Variants in TRIM21 observed in about 807,000 individuals in gnomAD.
TRIM21 encodes tripartite motif containing 21, also known as E3 ubiquitin-protein ligase TRIM21.
TRIM21 carries 35 observed loss-of-function variants against 36.1 expected under a neutral mutation model. That is an observed-to-expected ratio of 0.97 (90% CI 0.74 to 1.28). The LOEUF (loss-of-function observed/expected upper bound fraction) is 1.28. TRIM21 is among the 50% of genes most tolerant of loss of function. TRIM21 has a pLI of 0.00. For missense variants in TRIM21, 635 were observed against 570.7 expected, an observed-to-expected ratio of 1.11 and a Z score of -1.15; for synonymous variants, 256 against 211.5, an observed-to-expected ratio of 1.21 and a Z score of -1.83.
rs761952605 is a variant in TRIM21 at position 4,386,236 on chromosome 11, C to T, written c.780G>A (p.Lys260=). The stretch of plus-strand genomic sequence containing the variant: ...GTTCTGGAGAGGTAATATCCAGGTC[C>T]TTCAGGTTCCAGGACTCACTCCTGG... The part of the protein sequence containing the change: ...VLERSESWNL[K]DLDITSPELR... Residue 260 remains lysine (K), a synonymous_variant, in exon 6 of 7, where the codon AAG becomes AAA. Coordinates refer to ENST00000254436, the MANE Select transcript of TRIM21 (RefSeq NM_003141.4). 1.1e-5 allele frequency: 17 copies of T among 1,613,790 alleles called. No individual in the cohort carries two copies. Among genetic ancestry groups the T allele is most frequent in the Non-Finnish European group, 5.9e-6 (7 of 1,179,862 alleles).
At chr11:4,389,945 C>T (rs1332343252) in intron 2 of TRIM21, 57 bp downstream of exon 2, 2 of 1,587,154 alleles carry the variant, frequency 1.3e-6, no homozygotes, top group Admixed American at 3.4e-5. Context: ...AGAGGTGGTC[C>T]TCTCCCATTC....
chr11:4,386,304 A>G, intron 5 of TRIM21, 47 bp from the exon 6 acceptor site: 1 of 1,462,010 alleles, frequency 6.8e-7, no homozygotes, highest in South Asian at 1.2e-5. Context: ...TCCTATCCCA[A>G]ACCCTAACAC....
In TRIM21 at chr11:4,389,646, A is replaced by AT. The variant is rs550093376; in HGVS notation, c.504+7dup. 1,138 of 1,612,730 alleles carry AT rather than the reference A, an allele frequency of 7.1e-4. 3 individuals are homozygous for AT. Among genetic ancestry groups the AT allele is most frequent in the Middle Eastern group, 2.8e-3 (17 of 6,062 alleles). The stretch of plus-strand genomic sequence containing the variant: ...AGCCTAAGATCTCCTTCAGGATGTC[A>AT]TTCTTACCTTCCAGTCTGCTCTCTT... On this transcript the variant is annotated splice_region_variant and intron_variant, in intron 3 of 6. Coordinates refer to ENST00000254436, the MANE Select transcript of TRIM21 (RefSeq NM_003141.4).
At chr11:4,391,136 C>G (rs1341150404) in intron 1 of TRIM21, among the ~76,000 whole-genome samples, 1 of 152,102 alleles carries the variant, frequency 6.6e-6, no homozygotes, top group African/African-American at 2.4e-5. Context: ...AGTGAAGAGA[C>G]AGCCCACAGA....
intron 2 of TRIM21, 95 bp downstream of exon 2, chr11:4,389,907 C>T: frequency 3.9e-6 from 6 of 1,535,174 alleles, no homozygotes; most frequent in South Asian, 1.2e-5. Flanking sequence ...GAGAGGTAAA[C>T]CCCTCCTTTC....
rs569915357 is a variant in TRIM21, at chr11:4,390,575, AC to A, written c.-49-118del. 31 of 687,514 alleles carry A rather than the reference AC, an allele frequency of 4.5e-5. No individual in the cohort carries two copies. The East Asian group carries it at 7.7e-4, about 17-fold the overall frequency. The allele number at this position is 687,514 out of a possible 1,614,324, so 42.6% of individuals were successfully genotyped here. A position where few individuals can be genotyped will look rare whatever the true frequency, so the allele number is the denominator to read the frequency against. On this transcript the variant is annotated intron_variant, in intron 1 of 6. Coordinates refer to ENST00000254436, the MANE Select transcript of TRIM21 (RefSeq NM_003141.4). Reference sequence around the variant, plus strand: ...ACATTCTTCACAAAAATAGGAAAAAACAATCCTAAAATTTATATGGAATCAC... The same window carrying A: ...ACATTCTTCACAAAAATAGGAAAAAAAATCCTAAAATTTATATGGAATCAC...
At chr11:4,392,729 C>T (rs536288558) in intron 1 of TRIM21, among the ~76,000 whole-genome samples, 21 of 152,260 alleles carry the variant, frequency 1.4e-4, no homozygotes, top group Non-Finnish European at 2.1e-4. Context: ...TCCAGTGAGA[C>T]AGAAGGAGAA....
At position 4,388,287 on chromosome 11, in the gene TRIM21, C is replaced by T; in HGVS notation, c.735+13G>A. 2 of 1,601,054 alleles carry T rather than the reference C, an allele frequency of 1.2e-6. No individual in the cohort carries two copies. Among genetic ancestry groups the T allele is most frequent in the South Asian group, 2.2e-5 (2 of 90,666 alleles). ...TTCCCTGAATTGTAGAAGGAAACCC[C>T]TCCCTGTCTCACCTGCAGCAGTTCC... On this transcript the variant is annotated intron_variant, in intron 4 of 6. Coordinates refer to ENST00000254436, the MANE Select transcript of TRIM21 (RefSeq NM_003141.4).
chr11:4,385,475 T>C lies in TRIM21; in HGVS notation c.1238A>G (p.Tyr413Cys). 3 of 1,612,360 alleles carry C rather than the reference T, an allele frequency of 1.9e-6. No homozygotes were observed. Among genetic ancestry groups the C allele is most frequent in the Non-Finnish European group, 2.5e-6 (3 of 1,179,156 alleles). ...GTAGAAGGAGACCATGCCAGCCTCA[T>C]AGTCCAGGAAAATCCCAACTTGGCA... ...PPCQVGIFLD[Y>C]EAGMVSFYNI... Residue 413 changes from tyrosine to cysteine, a missense_variant, in exon 7 of 7, where the codon TAT becomes TGT. Transcript: ENST00000254436.
chr11:4,386,287 C>T (rs951848142), intron 5 of TRIM21, 30 bp from the exon 6 acceptor site: 1 of 1,556,268 alleles, frequency 6.4e-7, no homozygotes, highest in Non-Finnish European at 8.9e-7. Context: ...AGACTCCTGT[C>T]TCCTACTCCT....
At chr11:4,391,006 T>C (rs960916951) in intron 1 of TRIM21, among the ~76,000 whole-genome samples, 12 of 93,676 alleles carry the variant, frequency 1.3e-4, no homozygotes, top group Non-Finnish European at 1.5e-4. Context: ...CTCTAGGACA[T>C]TGGACTGGGC....
chr11:4,385,418 G>A lies in TRIM21; in HGVS notation c.1295C>T (p.Ser432Phe). The change falls in exon 7 of 7, where the codon TCC (serine) becomes TTC (phenylalanine). Residue 432 changes from serine (S) to phenylalanine (F), a missense_variant. Transcript: ENST00000254436. ...TCCTGTAAAGGCACATTCAGAGAAG[G>A]AGTAGATGAGGGAGCCATGGTCAGT... ...NITDHGSLIY[S>F]FSECAFTGPL... 1 of 1,613,810 alleles carries A rather than the reference G, an allele frequency of 6.2e-7. No homozygotes were observed. The highest frequency in any genetic ancestry group is 8.5e-7 in the Non-Finnish European group (1 of 1,179,842).
chr11:4,393,549 TGGAA>T (rs2133055580), intron 1 of TRIM21, 80 bp downstream of exon 1: 1 of 152,640 alleles, frequency 6.6e-6, no homozygotes, highest in Non-Finnish European at 1.5e-5. Context: ...GGATGGAGAC[TGGAA>T]GGGGCTCTGC....
At chr11:4,389,846 G>T in intron 2 of TRIM21, 97 bp from the exon 3 acceptor site, 1 of 1,488,472 alleles carries the variant, frequency 6.7e-7, no homozygotes, top group Non-Finnish European at 9.4e-7. Flanking sequence ...CCTACGCCTG[G>T]GGAATGAGGT....
chr11:4,386,206 C>T lies in TRIM21; in HGVS notation c.810G>A (p.Arg270=), dbSNP rs1479743638. Residue 270 remains arginine (R), a synonymous_variant, in exon 6 of 7, where the codon AGG becomes AGA. Coordinates refer to ENST00000254436, the MANE Select transcript of TRIM21 (RefSeq NM_003141.4). Reference sequence around the variant, plus strand: ...TCAGCCCTGGCACATGGCACACACTCCTGAGTTCTGGAGAGGTAATATCCA... The same window carrying T: ...TCAGCCCTGGCACATGGCACACACTTCTGAGTTCTGGAGAGGTAATATCCA... The part of the protein sequence containing the change: ...KDLDITSPEL[R]SVCHVPGLKK... The T allele has an allele frequency of 6.2e-7, 1 of 1,613,742 alleles. No homozygotes were observed. The highest frequency in any genetic ancestry group is 1.3e-5 in the African/African-American group (1 of 74,896).
intron 1 of TRIM21, among the ~76,000 whole-genome samples, chr11:4,393,032 A>G (rs2094964960): frequency 6.6e-6 from 1 of 152,230 alleles, no homozygotes; most frequent in African/African-American, 2.4e-5. Context: ...ACAGAGTAAC[A>G]GGAACCGTGG....
At chr11:4,389,388 G>A (rs898695304) in intron 3 of TRIM21, among the ~76,000 whole-genome samples, 3 of 152,188 alleles carry the variant, frequency 2.0e-5, no homozygotes, top group African/African-American at 4.8e-5. Flanking sequence ...AGAGGAGCTC[G>A]AAACTTTAGG....
chr11:4,389,566 G>A (rs1468332274), intron 3 of TRIM21, 88 bp downstream of exon 3: 2 of 1,105,962 alleles, frequency 1.8e-6, no homozygotes, highest in Non-Finnish European at 2.8e-6. Context: ...GCTCAGAGAG[G>A]CACAGCTACG....
At chr11:4,392,006 C>A (rs2094963592) in intron 1 of TRIM21, among the ~76,000 whole-genome samples, 1 of 151,688 alleles carries the variant, frequency 6.6e-6, no homozygotes, top group Non-Finnish European at 1.5e-5. Context: ...TGAATTAGAT[C>A]TAGTATTTGA....
Sources: gnomAD v4.1 joint callset for allele counts (sites outside exome capture counted in the v4.1 genomes callset) on GRCh38, gnomAD v4.1.1 for gene constraint, MANE v1.5 for transcripts, NCBI Gene and HGNC (gene_info 2026-07-23, HGNC 2026-07-21) for gene names.